Variants in TTC29 observed in about 807,000 individuals in gnomAD.
The protein encoded by TTC29 is tetratricopeptide repeat domain 29.
TTC29 carries 49 observed loss-of-function variants against 58.1 expected under a neutral mutation model. The observed-to-expected ratio is 0.84, with a 90% CI of 0.67 to 1.07. TTC29 has a LOEUF of 1.07. TTC29 is among the 50% of genes least tolerant of loss of function. The probability of loss-of-function intolerance (pLI) is 0.00; values close to 1 mark genes in which losing one functional copy is unlikely to be tolerated. For missense variants in TTC29, 582 were observed against 555.6 expected, an observed-to-expected ratio of 1.05 and a Z score of -0.48; for synonymous variants, 209 against 196.8, an observed-to-expected ratio of 1.06 and a Z score of -0.52.
intron 6 of TTC29, among the ~76,000 whole-genome samples, chr4:146,885,495 A>G (rs1020095189): frequency 1.3e-5 from 2 of 152,096 alleles, no homozygotes; most frequent in African/African-American, 4.8e-5. Context: ...TATTAGAACG[A>G]CATTCCATAT....
rs535721982 is a variant in TTC29 at position 146,719,316 on chromosome 4, T to C, written c.1331-11765A>G. Among the ~76,000 whole-genome samples the C allele has an allele frequency of 3.9e-5, 6 of 152,148 alleles. No individual in the cohort carries two copies. The East Asian group carries it at 1.2e-3, about 29-fold the overall frequency. On this transcript the variant is annotated intron_variant, in intron 11 of 12. Transcript: ENST00000325106. ...CTCAACTACCCTATGCTTTAGGTAT[T>C]ATTATTCATTTTGTACAGATAAGGA...
At chr4:146,738,873 T>C (rs1434296413) in intron 11 of TTC29, among the ~76,000 whole-genome samples, 1 of 152,134 alleles carries the variant, frequency 6.6e-6, no homozygotes, top group Non-Finnish European at 1.5e-5. Flanking sequence ...GCTGAACAAG[T>C]GGTGGTTCCT....
At chr4:146,929,026 A>G (rs1351763309) in intron 4 of TTC29, among the ~76,000 whole-genome samples, 1 of 152,134 alleles carries the variant, frequency 6.6e-6, no homozygotes, top group East Asian at 1.9e-4. Context: ...AAAGATTCTT[A>G]TTGATCATCT....
intron 8 of TTC29, among the ~76,000 whole-genome samples, chr4:146,853,886 G>A (rs1729668349): frequency 6.6e-6 from 1 of 152,008 alleles, no homozygotes; most frequent in South Asian, 2.1e-4. Flanking sequence ...TGACAGAGTG[G>A]CCAAGGGCTA....
intron 11 of TTC29, among the ~76,000 whole-genome samples, chr4:146,792,510 G>A (rs937402345): frequency 6.6e-6 from 1 of 152,072 alleles, no homozygotes; most frequent in African/African-American, 2.4e-5. Context: ...AGATTGCTCT[G>A]ATAGAAATGT....
intron 9 of TTC29, among the ~76,000 whole-genome samples, chr4:146,822,254 G>T (rs1254301365): frequency 6.6e-6 from 1 of 151,846 alleles, no homozygotes; most frequent in Non-Finnish European, 1.5e-5. Context: ...CTTTCAACAG[G>T]CCCTGGTGTG....
At chr4:146,719,170 T>C (rs2150002247) in intron 11 of TTC29, among the ~76,000 whole-genome samples, 1 of 150,720 alleles carries the variant, frequency 6.6e-6, no homozygotes, top group South Asian at 2.1e-4. Flanking sequence ...TTTTTGCTCA[T>C]CATTGCCTTG....
intron 11 of TTC29, among the ~76,000 whole-genome samples, chr4:146,760,779 C>CTA (rs1165077723): frequency 2.9e-5 from 4 of 137,250 alleles, no homozygotes; most frequent in African/African-American, 5.5e-5. Context: ...TGATGGAATA[C>CTA]TATATATATA....
At chr4:146,840,522 A>G (rs1279689806) in intron 8 of TTC29, among the ~76,000 whole-genome samples, 1 of 152,124 alleles carries the variant, frequency 6.6e-6, no homozygotes, top group Non-Finnish European at 1.5e-5. Context: ...AAGTCTGTAT[A>G]AAGGGCTAAA....
chr4:146,810,980 A>T (rs1000982963), intron 10 of TTC29, among the ~76,000 whole-genome samples: 7 of 152,184 alleles, frequency 4.6e-5, no homozygotes, highest in Non-Finnish European at 5.9e-5. Context: ...TTATTTTCCC[A>T]TGTTCATATG....
At chr4:146,930,681 T>C (rs969691821) in intron 4 of TTC29, among the ~76,000 whole-genome samples, 2 of 152,202 alleles carry the variant, frequency 1.3e-5, no homozygotes, top group Non-Finnish European at 2.9e-5. Context: ...TAATCTTCCC[T>C]GTTTTCTTAA....
At chr4:146,755,875 C>T (rs1746406512) in intron 11 of TTC29, among the ~76,000 whole-genome samples, 1 of 152,000 alleles carries the variant, frequency 6.6e-6, no homozygotes, top group African/African-American at 2.4e-5. Flanking sequence ...GAAGCTGCAA[C>T]CCCAAAAGAC....
intron 8 of TTC29, among the ~76,000 whole-genome samples, chr4:146,852,893 G>A (rs1400704923): frequency 2.0e-5 from 3 of 151,944 alleles, no homozygotes; most frequent in Non-Finnish European, 1.5e-5. Context: ...TATTGTTTTT[G>A]CTTTATAATT....
At chr4:146,788,761 T>C (rs1050240966) in intron 11 of TTC29, among the ~76,000 whole-genome samples, 1 of 152,076 alleles carries the variant, frequency 6.6e-6, no homozygotes, top group Non-Finnish European at 1.5e-5. Flanking sequence ...AATTGTAAAG[T>C]TGTCAATATG....
At chr4:146,941,224 T>C (rs1019692353) in intron 2 of TTC29, among the ~76,000 whole-genome samples, 25 of 152,178 alleles carry the variant, frequency 1.6e-4, no homozygotes, top group African/African-American at 5.8e-4. Context: ...CCCGTCTATG[T>C]CCACCAGGTT....
At chr4:146,714,649 T>A (rs1375671283) in intron 11 of TTC29, among the ~76,000 whole-genome samples, 1 of 149,888 alleles carries the variant, frequency 6.7e-6, no homozygotes, top group Non-Finnish European at 1.5e-5. Context: ...ACTGAAAATA[T>A]CTTTTAAAAA....
At chr4:146,919,924 G>A (rs1317894498) in intron 4 of TTC29, among the ~76,000 whole-genome samples, 2 of 150,920 alleles carry the variant, frequency 1.3e-5, no homozygotes, top group African/African-American at 2.4e-5. Flanking sequence ...TTTTACTAAA[G>A]TATGTCATAC....
Position 146,897,675 on chromosome 4 carries a change from C to T in TTC29, c.586+5869G>A, listed in dbSNP as rs930001940. ...ATCTGATGATAGGATAATGGGAGAC[C>T]AGCACCCTGCTATTGCTCCTGCCTC... On this transcript the variant is annotated intron_variant, in intron 6 of 12. Transcript: ENST00000325106. Among the ~76,000 whole-genome samples, 3 of 152,206 alleles carry T rather than the reference C, an allele frequency of 2.0e-5. No individual in the cohort carries two copies. In the East Asian group the frequency reaches 5.8e-4, roughly 29 times the overall value.
intron 2 of TTC29, 66 bp from the exon 3 acceptor site, chr4:146,939,967 A>T: frequency 7.0e-7 from 1 of 1,428,448 alleles, no homozygotes; most frequent in South Asian, 1.3e-5. Flanking sequence ...CCTTTAAGAC[A>T]TTATTAGAGA....
Sources: allele counts gnomAD v4.1 joint callset (sites outside exome capture counted in the v4.1 genomes callset), GRCh38; gene constraint gnomAD v4.1.1; transcripts MANE v1.5; gene names NCBI Gene and HGNC (gene_info 2026-07-23, HGNC 2026-07-21).